The following ARHGEF2 variants were observed in gnomAD, a reference collection of about 807,000 sequenced individuals.
The protein encoded by ARHGEF2 is Rho/Rac guanine nucleotide exchange factor 2, also known as rho guanine nucleotide exchange factor 2.
A neutral mutation model predicts 121.0 loss-of-function variants in ARHGEF2; 22 were observed. That is an observed-to-expected ratio of 0.18 (90% CI 0.13 to 0.26). The LOEUF (loss-of-function observed/expected upper bound fraction) is 0.26, where lower values mean the gene tolerates loss of function less well. Ranked by LOEUF, ARHGEF2 falls within the 10% of genes least tolerant of loss-of-function variation. ARHGEF2 has a pLI of 1.00. For missense variants in ARHGEF2, 907 were observed against 1,336.0 expected, an observed-to-expected ratio of 0.68 and a Z score of 5.01; for synonymous variants, 487 against 530.0, an observed-to-expected ratio of 0.92 and a Z score of 1.11.
At position 155,978,142 on chromosome 1, in the gene ARHGEF2, C is replaced by T; in HGVS notation, c.63+223G>A. The T allele has an allele frequency of 7.8e-7, 1 of 1,275,922 alleles. No individual in the cohort carries two copies. The highest frequency in any genetic ancestry group is 9.9e-7 in the Non-Finnish European group (1 of 1,005,874). 79.0% of individuals were successfully genotyped at this position (1,275,922 alleles called of 1,614,324 possible). A position where few individuals can be genotyped will look rare whatever the true frequency, so the allele number is the denominator to read the frequency against. On this transcript the variant is annotated intron_variant, in intron 1 of 21. Coordinates refer to ENST00000361247, the MANE Select transcript of ARHGEF2 (RefSeq NM_001162383.2). The surrounding 1 kb of genome is among the most constrained non-coding windows in gnomAD (Gnocchi z 4.1). ...GAGGCGACCAAGCCCAGGTCCGCTCCGCTCCCTCCCGGGATCCCAGCACCG... is the reference window on the plus strand; with the variant it reads ...GAGGCGACCAAGCCCAGGTCCGCTCTGCTCCCTCCCGGGATCCCAGCACCG...
chr1:155,958,548 CA>C, intron 11 of ARHGEF2, 152 bp from the exon 12 acceptor site: 2 of 567,436 alleles, frequency 3.5e-6, no homozygotes, highest in Non-Finnish European at 6.3e-6. Flanking sequence ...TGCACTTTTT[CA>C]GACCTCTCAC....
At position 155,965,622 on chromosome 1, in the gene ARHGEF2, G is replaced by A; in HGVS notation, c.470+9C>T. ...CTCTGGCTGCCCCTTTCCCCAAACA[G>A]AGGCTCACCCAGCAATGTTGGTGGT... On this transcript the variant is annotated intron_variant, in intron 5 of 21. Coordinates refer to ENST00000361247, the MANE Select transcript of ARHGEF2 (RefSeq NM_001162383.2). This position sits in a 1 kb window ranked among gnomAD's most constrained non-coding sequence, Gnocchi z 6.0. 3 of 1,612,654 alleles carry A rather than the reference G, an allele frequency of 1.9e-6. No homozygotes were observed. Among genetic ancestry groups the A allele is most frequent in the Non-Finnish European group, 2.5e-6 (3 of 1,179,882 alleles).
intron 1 of ARHGEF2, chr1:155,969,658 G>A (rs1015839682): frequency 3.8e-6 from 4 of 1,064,122 alleles, no homozygotes; most frequent in African/African-American, 3.3e-5. Context: ...TCTCTTCTCT[G>A]TGCTAGGGGG....
intron 7 of ARHGEF2, among the ~76,000 whole-genome samples, chr1:155,964,570 C>T (rs924220629): frequency 6.6e-6 from 1 of 151,878 alleles, no homozygotes; most frequent in East Asian, 1.9e-4. Flanking sequence ...TGTGGGATAC[C>T]AGGCAGGGTC....
Position 155,950,256 on chromosome 1 carries a change from G to A in ARHGEF2, c.2887+43C>T. ...GCCACAGCCCAATGGCCTGTACCCA[G>A]GCTGCACTCTACCTCTGGTCCATGT... On this transcript the variant is annotated intron_variant, in intron 21 of 21. Coordinates refer to ENST00000361247, the MANE Select transcript of ARHGEF2 (RefSeq NM_001162383.2). This position sits in a 1 kb window ranked among gnomAD's most constrained non-coding sequence, Gnocchi z 5.2. 6.2e-7 allele frequency: 1 copy of A among 1,604,246 alleles called. No homozygotes were observed. The highest frequency in any genetic ancestry group is 8.5e-7 in the Non-Finnish European group (1 of 1,177,954).
chr1:155,960,117 C>A (rs1374553711), intron 11 of ARHGEF2, among the ~76,000 whole-genome samples: 1 of 152,042 alleles, frequency 6.6e-6, no homozygotes, highest in Non-Finnish European at 1.5e-5. Context: ...GTCAGCACTC[C>A]AAGACTGAGG....
intron 11 of ARHGEF2, among the ~76,000 whole-genome samples, chr1:155,960,445 G>C (rs1185312937): frequency 2.7e-5 from 4 of 148,290 alleles, no homozygotes; most frequent in Non-Finnish European, 6.0e-5. Context: ...CCCAGCCTGA[G>C]CAGCAAAGCG....
rs1680107003 is a variant in ARHGEF2, at chr1:155,969,696, G to A, written c.64-396C>T. 9.9e-6 allele frequency: 10 copies of A among 1,012,992 alleles called. No individual in the cohort carries two copies. The South Asian group carries it at 3.8e-4, about 38-fold the overall frequency. 62.8% of individuals were successfully genotyped at this position (1,012,992 alleles called of 1,614,324 possible). On this transcript the variant is annotated intron_variant, in intron 1 of 21. Coordinates refer to ENST00000361247, the MANE Select transcript of ARHGEF2 (RefSeq NM_001162383.2). The stretch of plus-strand genomic sequence containing the variant: ...GATGCGCAGAGAGGAGGGGAGAGCA[G>A]GCGAAGCGGAGGGTGCCAGCTCACC...
chr1:155,970,573 A>G, intron 1 of ARHGEF2: 2 of 985,504 alleles, frequency 2.0e-6, no homozygotes, highest in Non-Finnish European at 2.4e-6. Flanking sequence ...CCCAAGTCAG[A>G]GGACCTGGAC....
chr1:155,970,243 C>T (rs932705598), intron 1 of ARHGEF2: 10 of 983,684 alleles, frequency 1.0e-5, no homozygotes, highest in Middle Eastern at 5.2e-4. Flanking sequence ...ACACCTTCCT[C>T]GGAGCCTCTG....
At chr1:155,958,925 G>A (rs1422838825) in intron 11 of ARHGEF2, among the ~76,000 whole-genome samples, 4 of 136,770 alleles carry the variant, frequency 2.9e-5, no homozygotes, top group South Asian at 2.8e-4. Context: ...GGTGGGGGGC[G>A]GGCAGGGTGC....
intron 2 of ARHGEF2, 171 bp downstream of exon 2, chr1:155,968,985 C>A: frequency 1.3e-6 from 1 of 751,400 alleles, no homozygotes. Context: ...GCCACCACCC[C>A]TCAGAGTGAG....
intron 14 of ARHGEF2, among the ~76,000 whole-genome samples, chr1:155,953,839 G>A (rs1389649179): frequency 6.6e-6 from 1 of 151,976 alleles, no homozygotes; most frequent in Non-Finnish European, 1.5e-5. Context: ...ATACAGGTGT[G>A]ACAGTGGGAG....
intron 13 of ARHGEF2, among the ~76,000 whole-genome samples, chr1:155,957,016 G>A (rs1338417419): frequency 6.7e-6 from 1 of 150,102 alleles, no homozygotes; most frequent in Non-Finnish European, 1.5e-5. Flanking sequence ...AGCTGAGAGC[G>A]AGACTCTGTC....
chr1:155,959,945 T>G (rs1291131027), intron 11 of ARHGEF2, among the ~76,000 whole-genome samples: 2 of 152,168 alleles, frequency 1.3e-5, no homozygotes, highest in Non-Finnish European at 2.9e-5. Context: ...TCCTGGCATA[T>G]TCCCACTTCT....
In ARHGEF2 at chr1:155,965,489, G is replaced by A; in HGVS notation, c.471-77C>T. On this transcript the variant is annotated intron_variant, in intron 5 of 21. Transcript: ENST00000361247. This position sits in a 1 kb window ranked among gnomAD's most constrained non-coding sequence, Gnocchi z 6.0. ...TTCCCAGGTAGGGAACCAAAGCCAG[G>A]ATCCAAGAGGCGGTCCCCCTAAGTT... 1 of 1,598,748 alleles carries A rather than the reference G, an allele frequency of 6.3e-7. No homozygotes were observed. The highest frequency in any genetic ancestry group is 8.6e-7 in the Non-Finnish European group (1 of 1,166,792).
intron 11 of ARHGEF2, among the ~76,000 whole-genome samples, chr1:155,959,855 A>T (rs1212744172): frequency 6.6e-6 from 1 of 152,212 alleles, no homozygotes; most frequent in African/African-American, 2.4e-5. Flanking sequence ...AGCCTGGACC[A>T]CATTTTTTAG....
intron 12 of ARHGEF2, among the ~76,000 whole-genome samples, 188 bp downstream of exon 12, chr1:155,958,132 G>A (rs1021500559): frequency 4.6e-5 from 7 of 152,178 alleles, no homozygotes; most frequent in Non-Finnish European, 1.0e-4. Flanking sequence ...TTTCCCACAG[G>A]TGTAAAAGTG....
Position 155,947,064 on chromosome 1 carries a change from A to G in ARHGEF2, c.*878T>C. On this transcript the variant is annotated 3_prime_UTR_variant, in exon 22 of 22. Transcript: ENST00000361247. The stretch of plus-strand genomic sequence containing the variant: ...TTGGAGATTTTCCAACCCACCCTAG[A>G]ACTTGTTTCTAAATGGCTGGGGAAG... The G allele has an allele frequency of 4.6e-6, 1 of 219,660 alleles. No homozygotes were observed. Among genetic ancestry groups the G allele is most frequent in the Non-Finnish European group, 9.4e-6 (1 of 106,284 alleles). The allele number at this position is 219,660 out of a possible 1,614,324, so 13.6% of individuals were successfully genotyped here.
Sources: gnomAD v4.1 joint callset for allele counts (sites outside exome capture counted in the v4.1 genomes callset) on GRCh38, gnomAD v4.1.1 for gene constraint, Gnocchi (gnomAD v3.1) non-coding constraint, MANE v1.5 for transcripts, NCBI Gene and HGNC (gene_info 2026-07-23, HGNC 2026-07-21) for gene names.